The following ZSWIM5 variants were observed in gnomAD, a reference collection of about 807,000 sequenced individuals.
ZSWIM5 encodes zinc finger SWIM-type containing 5, also known as zinc finger SWIM domain-containing protein 5.
In ZSWIM5, 55 loss-of-function variants were observed where a neutral mutation model predicts 119.6. That is an observed-to-expected ratio of 0.46 (90% CI 0.37 to 0.58). The LOEUF is 0.58. Among genes scored for constraint, ZSWIM5 ranks in the 20% least tolerant of loss-of-function variants. The pLI is 0.00. For synonymous variants in ZSWIM5, 537 were observed against 606.9 expected, an observed-to-expected ratio of 0.88 and a Z score of 1.69; for missense variants, 1,193 against 1,512.8, an observed-to-expected ratio of 0.79 and a Z score of 3.51.
chr1:45,070,365 G>A (rs1193580006), intron 2 of ZSWIM5: 1 of 1,424,694 alleles, frequency 7.0e-7, no homozygotes, highest in Non-Finnish European at 9.9e-7. Context: ...CAGCCAGGGT[G>A]GCTTCTTCAG....
At chr1:45,142,807 G>A (rs574656769) in intron 1 of ZSWIM5, among the ~76,000 whole-genome samples, 2 of 151,702 alleles carry the variant, frequency 1.3e-5, no homozygotes, top group Non-Finnish European at 2.9e-5. Context: ...CTCGTTTCAT[G>A]ATCCCAACAC....
chr1:45,153,971 C>T (rs1412479727), intron 1 of ZSWIM5, among the ~76,000 whole-genome samples: 1 of 152,014 alleles, frequency 6.6e-6, no homozygotes, highest in Non-Finnish European at 1.5e-5. Flanking sequence ...AGGTGAGAAT[C>T]AAATCAAGAA....
intron 1 of ZSWIM5, among the ~76,000 whole-genome samples, chr1:45,110,418 A>G (rs1645509656): frequency 6.6e-6 from 1 of 152,226 alleles, no homozygotes; most frequent in Non-Finnish European, 1.5e-5. Flanking sequence ...GTTCATCTAT[A>G]GTTCATGAAG....
At chr1:45,115,311 G>A (rs923321276) in intron 1 of ZSWIM5, among the ~76,000 whole-genome samples, 3 of 151,636 alleles carry the variant, frequency 2.0e-5, no homozygotes, top group Non-Finnish European at 2.9e-5. Context: ...GGGGCGGCTG[G>A]CCGGGTGGAG....
chr1:45,026,970 C>T (rs1385321612), intron 11 of ZSWIM5, among the ~76,000 whole-genome samples: 1 of 151,748 alleles, frequency 6.6e-6, no homozygotes, highest in Non-Finnish European at 1.5e-5. Flanking sequence ...ATTGGTCCAT[C>T]TAATTATCTA....
chr1:45,202,317 G>C (rs2149058012), intron 1 of ZSWIM5, among the ~76,000 whole-genome samples: 3 of 151,962 alleles, frequency 2.0e-5, no homozygotes, highest in Middle Eastern at 6.8e-3. Context: ...TTTCATAAAA[G>C]TTATACTACA....
At position 45,206,085 on chromosome 1, in the gene ZSWIM5, A is replaced by G. The variant is rs772147484; in HGVS notation, c.266T>C (p.Ile89Thr). 3.1e-6 allele frequency: 5 copies of G among 1,611,698 alleles called. No individual in the cohort carries two copies. In the Admixed American group the frequency reaches 8.3e-5, roughly 27 times the overall value. ...GATGCGGCGCTGCACGGGCTCCGGG[A>G]TCCGCTCGAAGCGCTCCTCCACCCG... Reference protein sequence around the residue: ...YERVEERFERIPEPVQRRIVY... With the variant: ...YERVEERFERTPEPVQRRIVY... The change falls in exon 1 of 14, where the codon ATC becomes ACC. Residue 89 changes from isoleucine to threonine, a missense_variant. Physicochemically the swap from Ile to Thr is moderately conservative, Grantham distance 89. Around this residue, in one of 2 missense-constraint regions of ZSWIM5, gnomAD observed 232 missense variants for 222.9 expected, o/e 1.04. Transcript: ENST00000359600.
chr1:45,185,795 T>C (rs531384947), intron 1 of ZSWIM5, among the ~76,000 whole-genome samples: 1 of 152,206 alleles, frequency 6.6e-6, no homozygotes, highest in African/African-American at 2.4e-5. Flanking sequence ...ACTTTTACAC[T>C]GTTGGTGGGA....
chr1:45,029,296 G>A (rs887167387), intron 11 of ZSWIM5, among the ~76,000 whole-genome samples: 1 of 152,124 alleles, frequency 6.6e-6, no homozygotes, highest in Non-Finnish European at 1.5e-5. Context: ...ATCTTTCCTT[G>A]ACATTCATGA....
intron 1 of ZSWIM5, among the ~76,000 whole-genome samples, chr1:45,169,004 C>G (rs1557787096): frequency 6.6e-6 from 1 of 152,034 alleles, no homozygotes; most frequent in South Asian, 2.1e-4. Flanking sequence ...AAGTAATACC[C>G]AAACTCTTCA....
At chr1:45,048,657 T>C (rs780868408) in intron 5 of ZSWIM5, among the ~76,000 whole-genome samples, 1 of 151,966 alleles carries the variant, frequency 6.6e-6, no homozygotes, top group Non-Finnish European at 1.5e-5. Context: ...TGCATGAAAT[T>C]GAGATTATGA....
intron 1 of ZSWIM5, among the ~76,000 whole-genome samples, chr1:45,104,534 G>T (rs779377859): frequency 1.3e-5 from 2 of 152,192 alleles, no homozygotes; most frequent in Non-Finnish European, 2.9e-5. Flanking sequence ...AACTGGCCAC[G>T]CCTGGGGCCT....
At chr1:45,075,584 T>G (rs1645251994) in intron 2 of ZSWIM5, among the ~76,000 whole-genome samples, 1 of 152,166 alleles carries the variant, frequency 6.6e-6, no homozygotes, top group African/African-American at 2.4e-5. Flanking sequence ...TAATTTTCAG[T>G]CTATGTTTGT....
intron 3 of ZSWIM5, among the ~76,000 whole-genome samples, chr1:45,059,610 G>A (rs1645141588): frequency 6.6e-6 from 1 of 152,192 alleles, no homozygotes; most frequent in East Asian, 1.9e-4. Context: ...ATATAACTAT[G>A]AATATACTAA....
chr1:45,034,182 T>C, intron 11 of ZSWIM5, 130 bp downstream of exon 11: 1 of 1,140,902 alleles, frequency 8.8e-7, no homozygotes, highest in South Asian at 1.9e-5. Flanking sequence ...GCAATCAAAG[T>C]GAGGACCACT....
At chr1:45,150,171 T>TAAAAAAAAAAAAAAAAAA (rs59869691) in intron 1 of ZSWIM5, among the ~76,000 whole-genome samples, 5 of 93,368 alleles carry the variant, frequency 5.4e-5, no homozygotes, top group Admixed American at 1.2e-4. Context: ...CTCTATCTCT[T>TAAAAAAAAAAAAAAAAAA]AAAAAAAAAA....
At chr1:45,163,472 T>G (rs1229561546) in intron 1 of ZSWIM5, among the ~76,000 whole-genome samples, 1 of 152,206 alleles carries the variant, frequency 6.6e-6, no homozygotes. Context: ...AGACAGAGAA[T>G]GACTTTGACG....
At chr1:45,187,397 TA>T (rs1043643951) in intron 1 of ZSWIM5, among the ~76,000 whole-genome samples, 1 of 151,770 alleles carries the variant, frequency 6.6e-6, no homozygotes. Context: ...ATATCCATAT[TA>T]AAAAAAAGTT....
chr1:45,064,859 C>T (rs1368700113), intron 2 of ZSWIM5, among the ~76,000 whole-genome samples: 1 of 152,194 alleles, frequency 6.6e-6, no homozygotes, highest in Admixed American at 6.5e-5. Flanking sequence ...CAAAGCCTGT[C>T]TCTTTACTAC....
Sources: gnomAD v4.1 joint callset for allele counts (sites outside exome capture counted in the v4.1 genomes callset) on GRCh38, gnomAD v4.1.1 for gene constraint, gnomAD v4.1.1 regional missense constraint, MANE v1.5 for transcripts, NCBI Gene and HGNC (gene_info 2026-07-23, HGNC 2026-07-21) for gene names.